The following ANKS1B variants were observed in gnomAD, a reference collection of about 807,000 sequenced individuals.
ANKS1B encodes the protein ankyrin repeat and sterile alpha motif domain containing 1B.
Under a neutral mutation model 148.3 loss-of-function variants are expected in ANKS1B, and 36 were observed. The observed-to-expected ratio is 0.24, with a 90% confidence interval of 0.19 to 0.32. The LOEUF (loss-of-function observed/expected upper bound fraction) is 0.32, where lower values mean the gene tolerates loss of function less well. Ranked by LOEUF, ANKS1B falls within the 10% of genes least tolerant of loss-of-function variation. The pLI, the probability that ANKS1B is intolerant of heterozygous loss-of-function variation, is 1.00. For missense variants in ANKS1B, 1,157 were observed against 1,542.6 expected (o/e 0.75, Z 4.19); for synonymous variants, 542 against 560.8 (o/e 0.97, Z 0.47).
chr12:99,755,305 A>C (rs1158995302), intron 8 of ANKS1B, among the ~76,000 whole-genome samples: 2 of 152,080 alleles, frequency 1.3e-5, no homozygotes, highest in Non-Finnish European at 2.9e-5. Flanking sequence ...ACCAGGAAGA[A>C]ATTGATTCTC....
At position 99,643,699 on chromosome 12, in the gene ANKS1B, C is replaced by T. The variant is rs569861487; in HGVS notation, c.1272+11368G>A. Among the ~76,000 whole-genome samples the T allele has an allele frequency of 4.6e-5, 7 of 152,338 alleles. No homozygotes were observed. In the South Asian group the frequency reaches 6.2e-4, roughly 14 times the overall value. On this transcript the variant is annotated intron_variant, in intron 9 of 26. Coordinates refer to ENST00000683438, the MANE Select transcript of ANKS1B (RefSeq NM_001352186.2). Reference sequence around the variant, plus strand: ...TTTAAGTCCAAGCTACCAAAGTCTCCGCTAATAAACCATTCATGAAAACAC... The same window carrying T: ...TTTAAGTCCAAGCTACCAAAGTCTCTGCTAATAAACCATTCATGAAAACAC...
intron 15 of ANKS1B, among the ~76,000 whole-genome samples, chr12:99,091,483 G>C (rs1036331302): frequency 7.9e-5 from 12 of 152,200 alleles, no homozygotes; most frequent in Admixed American, 2.0e-4. Flanking sequence ...AATTTATACA[G>C]TAATTTGTAC....
At position 99,352,942 on chromosome 12, in the gene ANKS1B, G is replaced by A. The variant is rs373653200; in HGVS notation, c.1756+46689C>T. Reference sequence around the variant, plus strand: ...AAACTAAATTATGACATAGTCTGATGAAGGGTACATTTCACCTTATAAACT... The same window carrying A: ...AAACTAAATTATGACATAGTCTGATAAAGGGTACATTTCACCTTATAAACT... On this transcript the variant is annotated intron_variant, in intron 12 of 26. Transcript: ENST00000683438. Among the ~76,000 whole-genome samples, 7 of 152,140 alleles carry A rather than the reference G, an allele frequency of 4.6e-5. No homozygotes were observed. The East Asian group carries it at 1.4e-3, about 29-fold the overall frequency.
chr12:98,879,949 A>G (rs1427483505), intron 17 of ANKS1B, among the ~76,000 whole-genome samples: 2 of 152,230 alleles, frequency 1.3e-5, no homozygotes, highest in African/African-American at 4.8e-5. Flanking sequence ...TGAATAAACA[A>G]AAAAGGAGTT....
intron 12 of ANKS1B, among the ~76,000 whole-genome samples, chr12:99,258,311 A>C (rs2075521673): frequency 6.6e-6 from 1 of 152,138 alleles, no homozygotes; most frequent in African/African-American, 2.4e-5. Flanking sequence ...ATGGCCTCAA[A>C]TAAAGCAAAT....
intron 10 of ANKS1B, among the ~76,000 whole-genome samples, chr12:99,479,162 T>C (rs1257988114): frequency 6.6e-6 from 1 of 152,100 alleles, no homozygotes; most frequent in East Asian, 1.9e-4. Context: ...AGTGGATTCA[T>C]ATAACCAAGT....
At chr12:99,333,097 T>G (rs183488644) in intron 12 of ANKS1B, among the ~76,000 whole-genome samples, 6 of 152,160 alleles carry the variant, frequency 3.9e-5, no homozygotes, top group Admixed American at 1.3e-4. Flanking sequence ...GATTAGCCAA[T>G]TTGGCTGAAG....
intron 4 of ANKS1B, 50 bp from the exon 5 acceptor site, chr12:99,782,147 C>G (rs772579978): frequency 1.4e-6 from 2 of 1,422,958 alleles, no homozygotes; most frequent in African/African-American, 2.9e-5. Flanking sequence ...ATTTGGAATG[C>G]TTACAGGTTG....
intron 14 of ANKS1B, among the ~76,000 whole-genome samples, chr12:99,159,422 T>C (rs1460162667): frequency 6.6e-6 from 1 of 152,132 alleles, no homozygotes. Flanking sequence ...TGATGTCTTC[T>C]TCATGCCCAT....
At chr12:98,738,733 C>T (rs185554444) in intron 9 of ANKS1B, among the ~76,000 whole-genome samples, 238 of 152,304 alleles carry the variant, frequency 1.6e-3, no homozygotes, top group African/African-American at 5.2e-3. Flanking sequence ...GTAGAATACT[C>T]CTGGGTTCAG....
intron 8 of ANKS1B, among the ~76,000 whole-genome samples, chr12:99,712,513 A>G (rs1211092966): frequency 6.6e-6 from 1 of 152,232 alleles, no homozygotes; most frequent in Non-Finnish European, 1.5e-5. Flanking sequence ...AAGGGCCCCA[A>G]TAGTCTCAAC....
intron 17 of ANKS1B, among the ~76,000 whole-genome samples, chr12:98,969,328 G>T (rs1026866600): frequency 6.6e-6 from 1 of 152,138 alleles, no homozygotes; most frequent in African/African-American, 2.4e-5. Context: ...GCAGAAAATC[G>T]CACAGGCTCA....
intron 9 of ANKS1B, among the ~76,000 whole-genome samples, chr12:99,603,513 A>C (rs187356875): frequency 6.6e-6 from 1 of 152,186 alleles, no homozygotes; most frequent in East Asian, 1.9e-4. Context: ...TTGTCTGAAA[A>C]TATGACATTC....
chr12:99,745,657 C>T (rs2060525875), intron 8 of ANKS1B, among the ~76,000 whole-genome samples: 2 of 151,902 alleles, frequency 1.3e-5, no homozygotes, highest in Non-Finnish European at 2.9e-5. Context: ...TATCTTGATG[C>T]TATAAACAAA....
intron 12 of ANKS1B, among the ~76,000 whole-genome samples, chr12:99,267,367 CTT>C (rs943697343): frequency 6.6e-5 from 10 of 152,238 alleles, no homozygotes; most frequent in Admixed American, 2.0e-4. Flanking sequence ...CTCTCTCTCT[CTT>C]GCTACAGATA....
intron 15 of ANKS1B, among the ~76,000 whole-genome samples, chr12:99,142,245 A>G (rs1278893206): frequency 6.6e-6 from 1 of 152,140 alleles, no homozygotes; most frequent in Non-Finnish European, 1.5e-5. Flanking sequence ...GTCAGAATCA[A>G]AGGCCAGAGA....
chr12:99,219,978 G>A (rs2084827188), intron 14 of ANKS1B, among the ~76,000 whole-genome samples: 1 of 152,208 alleles, frequency 6.6e-6, no homozygotes, highest in Non-Finnish European at 1.5e-5. Context: ...GAGAATATGA[G>A]CTCCCAAAAT....
chr12:99,891,301 T>C (rs2093091821), intron 1 of ANKS1B, among the ~76,000 whole-genome samples: 1 of 152,176 alleles, frequency 6.6e-6, no homozygotes, highest in African/African-American at 2.4e-5. Flanking sequence ...CTTTTTAAAT[T>C]ATAAACAATT....
chr12:99,006,728 G>T (rs762086391), intron 17 of ANKS1B, among the ~76,000 whole-genome samples: 2 of 152,210 alleles, frequency 1.3e-5, no homozygotes, highest in Non-Finnish European at 2.9e-5. Flanking sequence ...CAATAGTGAT[G>T]ATGACGATGA....
Sources: allele counts gnomAD v4.1 joint callset (sites outside exome capture counted in the v4.1 genomes callset), GRCh38; gene constraint gnomAD v4.1.1; transcripts MANE v1.5; gene names NCBI Gene and HGNC (gene_info 2026-07-23, HGNC 2026-07-21).